EFCAB5: variants seen among roughly 807,000 people sequenced by gnomAD.
EFCAB5 encodes the protein EF-hand calcium binding domain 5, also known as EF-hand calcium-binding domain-containing protein 5.
In EFCAB5, 131 loss-of-function variants were observed where a neutral mutation model predicts 167.9. That is an observed-to-expected ratio of 0.78 (90% CI 0.68 to 0.90). EFCAB5 has a LOEUF of 0.90. Ranked by LOEUF, EFCAB5 falls within the 40% of genes least tolerant of loss-of-function variation. EFCAB5 has a pLI of 0.00. For missense variants in EFCAB5, 1,663 were observed against 1,745.2 expected, an observed-to-expected ratio of 0.95 and a Z score of 0.84; for synonymous variants, 574 against 602.8, an observed-to-expected ratio of 0.95 and a Z score of 0.70.
chr17:30,066,320 A>G (rs1425167096), intron 14 of EFCAB5, among the ~76,000 whole-genome samples: 1 of 152,252 alleles, frequency 6.6e-6, no homozygotes, highest in Non-Finnish European at 1.5e-5. Flanking sequence ...AAGTTAAACA[A>G]CATGCTCCCG....
chr17:29,978,986 T>A (rs911253118), intron 4 of EFCAB5, among the ~76,000 whole-genome samples: 5 of 152,198 alleles, frequency 3.3e-5, no homozygotes, highest in Non-Finnish European at 7.3e-5. Context: ...ATGCTTACTC[T>A]GTTGGCCTCT....
At chr17:30,103,574 C>T (rs1439273815) in intron 22 of EFCAB5, among the ~76,000 whole-genome samples, 1 of 152,138 alleles carries the variant, frequency 6.6e-6, no homozygotes, top group Admixed American at 6.6e-5. Context: ...TTTTAACTCC[C>T]CGTGTAACAT....
At chr17:29,970,669 TACACACAC>T (rs1220247152) in intron 4 of EFCAB5, among the ~76,000 whole-genome samples, 1 of 58,694 alleles carries the variant, frequency 1.7e-5, no homozygotes, top group African/African-American at 4.1e-5. Flanking sequence ...CACACACACA[TACACACAC>T]ACACACACAC....
At chr17:29,975,696 G>A (rs2068051088) in intron 4 of EFCAB5, among the ~76,000 whole-genome samples, 1 of 152,160 alleles carries the variant, frequency 6.6e-6, no homozygotes, top group Non-Finnish European at 1.5e-5. Flanking sequence ...TAAGAGATAT[G>A]TGCAGAACTC....
intron 22 of EFCAB5, among the ~76,000 whole-genome samples, chr17:30,102,490 C>T (rs1044400866): frequency 5.9e-5 from 9 of 151,912 alleles, no homozygotes; most frequent in Non-Finnish European, 1.0e-4. Flanking sequence ...CCTGCCTCAG[C>T]CTCCTGAGTA....
chr17:29,972,753 A>G (rs909179501), intron 4 of EFCAB5: 1 of 222,884 alleles, frequency 4.5e-6, no homozygotes, highest in African/African-American at 2.3e-5. Context: ...CTTGCTGAAC[A>G]CTACCAGGAC....
At position 30,051,250 on chromosome 17, in the gene EFCAB5, T is replaced by A; in HGVS notation, c.1300+33T>A. 3 of 1,584,432 alleles carry A rather than the reference T, an allele frequency of 1.9e-6. 1 individual carries two copies. The highest frequency in any genetic ancestry group is 2.6e-6 in the Non-Finnish European group (3 of 1,153,344). ...CCGCTCAGAGGGAGTATGTTCAAGC[T>A]GGAGTGTCGCAGTGCACTGATATGT... On this transcript the variant is annotated intron_variant, in intron 9 of 22. Coordinates refer to ENST00000394835, the MANE Select transcript of EFCAB5 (RefSeq NM_198529.4).
At chr17:30,010,327 T>C (rs1323171547) in intron 7 of EFCAB5, among the ~76,000 whole-genome samples, 2 of 152,214 alleles carry the variant, frequency 1.3e-5, no homozygotes, top group Non-Finnish European at 2.9e-5. Flanking sequence ...TACCCAGTAA[T>C]GGGATCACTG....
intron 20 of EFCAB5, 70 bp downstream of exon 20, chr17:30,090,744 A>G: frequency 1.3e-6 from 2 of 1,518,838 alleles, no homozygotes; most frequent in Admixed American, 4.2e-5. Context: ...AGGGAGTGCA[A>G]TGAAATATGC....
Position 29,973,871 on chromosome 17 carries a change from A to C in EFCAB5, c.767+4504A>C, listed in dbSNP as rs376835944. Among the ~76,000 whole-genome samples, 43 of 151,882 alleles carry C rather than the reference A, an allele frequency of 2.8e-4. No homozygotes were observed. The East Asian group carries it at 7.6e-3, about 27-fold the overall frequency. On this transcript the variant is annotated intron_variant, in intron 4 of 22. Transcript: ENST00000394835. ...ATCCTACAGTTTACATAAAAGCTTCAAAATGGCCCAGCGCGGTGGCTCAAG... is the reference window on the plus strand; with the variant it reads ...ATCCTACAGTTTACATAAAAGCTTCCAAATGGCCCAGCGCGGTGGCTCAAG...
intron 4 of EFCAB5, among the ~76,000 whole-genome samples, chr17:29,988,598 T>G (rs1042337902): frequency 2.0e-5 from 3 of 152,212 alleles, no homozygotes; most frequent in African/African-American, 7.2e-5. Context: ...TTGAAACAGT[T>G]TTGTTTTTAG....
At chr17:30,080,560 T>TG (rs2070966434) in intron 16 of EFCAB5, among the ~76,000 whole-genome samples, 193 bp from the exon 17 acceptor site, 1 of 136,748 alleles carries the variant, frequency 7.3e-6, no homozygotes, top group African/African-American at 2.8e-5. Context: ...GTTTTTTTTT[T>TG]TTTTGTTTGT....
intron 20 of EFCAB5, among the ~76,000 whole-genome samples, chr17:30,091,056 A>C (rs1337391634): frequency 6.6e-6 from 1 of 152,234 alleles, no homozygotes; most frequent in East Asian, 1.9e-4. Context: ...AATTGCCCCC[A>C]GTCACACAGT....
intron 5 of EFCAB5, among the ~76,000 whole-genome samples, chr17:29,994,402 C>G (rs546926728): frequency 9.2e-5 from 14 of 151,616 alleles, no homozygotes; most frequent in African/African-American, 2.2e-4. Context: ...TCCATCATGC[C>G]GTGTCTGAGA....
chr17:29,980,768 CTTTGGT>C (rs1477591499), intron 4 of EFCAB5, among the ~76,000 whole-genome samples: 2 of 152,196 alleles, frequency 1.3e-5, no homozygotes, highest in Non-Finnish European at 2.9e-5. Flanking sequence ...AGATTTATAT[CTTTGGT>C]TCAAACACCT....
chr17:30,068,926 G>A (rs1739027223), intron 14 of EFCAB5: 1 of 1,545,496 alleles, frequency 6.5e-7, no homozygotes. Flanking sequence ...AGACCAGGAT[G>A]TCCAGATATT....
intron 7 of EFCAB5, among the ~76,000 whole-genome samples, chr17:30,030,174 G>A (rs1180709412): frequency 6.6e-6 from 1 of 152,194 alleles, no homozygotes; most frequent in Non-Finnish European, 1.5e-5. Flanking sequence ...ATTTGTAGTT[G>A]ATATCGCCAA....
intron 14 of EFCAB5, among the ~76,000 whole-genome samples, chr17:30,076,580 G>A (rs2070872642): frequency 6.6e-6 from 1 of 152,228 alleles, no homozygotes; most frequent in Non-Finnish European, 1.5e-5. Flanking sequence ...TCAAATAAAT[G>A]GTGTAGAATA....
chr17:30,085,600 C>G (rs1161955243), intron 18 of EFCAB5, among the ~76,000 whole-genome samples: 1 of 152,056 alleles, frequency 6.6e-6, no homozygotes, highest in Non-Finnish European at 1.5e-5. Flanking sequence ...GGGCGCCTGT[C>G]CCAGCTTCTT....
Sources: allele counts gnomAD v4.1 joint callset (sites outside exome capture counted in the v4.1 genomes callset), GRCh38; gene constraint gnomAD v4.1.1; transcripts MANE v1.5; gene names NCBI Gene and HGNC (gene_info 2026-07-23, HGNC 2026-07-21).